The following OSBPL9 variants were observed in gnomAD, a reference collection of about 807,000 sequenced individuals.
The protein encoded by OSBPL9 is oxysterol-binding protein-related protein 9.
A neutral mutation model predicts 106.6 loss-of-function variants in OSBPL9; 40 were observed. That is an observed-to-expected ratio of 0.38 (90% CI 0.29 to 0.49). OSBPL9 has a LOEUF of 0.49. OSBPL9 is among the 20% of genes least tolerant of loss of function. The pLI, the probability that OSBPL9 is intolerant of heterozygous loss-of-function variation, is 0.97. For missense variants in OSBPL9, 609 were observed against 887.2 expected (o/e 0.69, Z 3.98); for synonymous variants, 269 against 295.4 (o/e 0.91, Z 0.92).
At chr1:51,738,427 A>G (rs559620003) in intron 4 of OSBPL9, among the ~76,000 whole-genome samples, 48 of 152,194 alleles carry the variant, frequency 3.2e-4, no homozygotes, top group South Asian at 8.3e-4. Context: ...TGGTTTTTCA[A>G]AGCACTAACA....
chr1:51,747,856 C>A (rs997907625), intron 6 of OSBPL9, among the ~76,000 whole-genome samples: 2 of 152,086 alleles, frequency 1.3e-5, no homozygotes, highest in African/African-American at 4.8e-5. Flanking sequence ...GTGGCGTGAT[C>A]TCGGCTCACT....
At chr1:51,632,804 A>G (rs2148657177) in intron 1 of OSBPL9, among the ~76,000 whole-genome samples, 1 of 152,260 alleles carries the variant, frequency 6.6e-6, no homozygotes, top group East Asian at 1.9e-4. Context: ...ATCACCTGAA[A>G]GAGGAGTAAG....
At chr1:51,665,864 A>G (rs1434827237) in intron 2 of OSBPL9, among the ~76,000 whole-genome samples, 1 of 151,910 alleles carries the variant, frequency 6.6e-6, no homozygotes, top group African/African-American at 2.4e-5. Flanking sequence ...TTGTGTATAT[A>G]TATATATTTT....
At chr1:51,646,034 G>A (rs1646133217) in intron 1 of OSBPL9, among the ~76,000 whole-genome samples, 2 of 152,080 alleles carry the variant, frequency 1.3e-5, no homozygotes, top group Admixed American at 6.5e-5. Context: ...GTTGCATTTT[G>A]GAATTGAGAA....
At chr1:51,701,971 A>G (rs972474386) in intron 3 of OSBPL9, among the ~76,000 whole-genome samples, 2 of 152,228 alleles carry the variant, frequency 1.3e-5, no homozygotes, top group Non-Finnish European at 2.9e-5. Flanking sequence ...TACAAAGGAC[A>G]TGAACTCATC....
chr1:51,750,973 C>A (rs1444240495), intron 8 of OSBPL9, among the ~76,000 whole-genome samples: 1 of 152,164 alleles, frequency 6.6e-6, no homozygotes, highest in Non-Finnish European at 1.5e-5. Context: ...AGACTTTTAA[C>A]CTACTGTTGT....
At chr1:51,774,701 AG>A (rs761920373) in intron 14 of OSBPL9, among the ~76,000 whole-genome samples, 18 of 152,144 alleles carry the variant, frequency 1.2e-4, no homozygotes, top group Non-Finnish European at 2.4e-4. Context: ...CTCACAGCTA[AG>A]AAGAGGCTAA....
intron 2 of OSBPL9, among the ~76,000 whole-genome samples, chr1:51,598,710 T>G (rs867926778): frequency 6.6e-6 from 1 of 152,100 alleles, no homozygotes; most frequent in South Asian, 2.1e-4. Flanking sequence ...GAGTGTGACA[T>G]GGGCTGGGCA....
chr1:51,593,904 T>TCACACACACA (rs58936844), intron 1 of OSBPL9, among the ~76,000 whole-genome samples: 7,135 of 140,070 alleles, frequency 0.051, 264 homozygotes, highest in Middle Eastern at 0.076. Context: ...TAATCAGATT[T>TCACACACACA]CACACACACA....
At chr1:51,575,863 A>G (rs142991617), upstream of OSBPL9, among the ~76,000 whole-genome samples, 1 of 152,216 alleles carries the variant, frequency 6.6e-6, no homozygotes, top group Non-Finnish European at 1.5e-5. Context: ...CATTTTTATT[A>G]TCAAAGACAG....
intron 4 of OSBPL9, among the ~76,000 whole-genome samples, chr1:51,717,576 T>C (rs1237794210): frequency 6.6e-6 from 1 of 152,062 alleles, no homozygotes; most frequent in East Asian, 1.9e-4. Flanking sequence ...GACATACAAA[T>C]GGCAAGGAGG....
intron 3 of OSBPL9, among the ~76,000 whole-genome samples, chr1:51,698,324 A>G (rs1442219103): frequency 1.3e-5 from 2 of 152,156 alleles, no homozygotes; most frequent in Non-Finnish European, 2.9e-5. Context: ...CAGTCCATTA[A>G]TGGATTATAA....
chr1:51,599,801 A>G (rs1253833595), intron 2 of OSBPL9, among the ~76,000 whole-genome samples: 1 of 152,222 alleles, frequency 6.6e-6, no homozygotes, highest in Non-Finnish European at 1.5e-5. Context: ...CAAAGTACCT[A>G]AGACTGGGAA....
At chr1:51,648,143 G>A (rs746397410) in intron 1 of OSBPL9, among the ~76,000 whole-genome samples, 2 of 152,188 alleles carry the variant, frequency 1.3e-5, no homozygotes, top group Non-Finnish European at 2.9e-5. Context: ...GCAGGTTTCA[G>A]AACATTGGTA....
chr1:51,647,968 G>A (rs1646274524), intron 1 of OSBPL9, among the ~76,000 whole-genome samples: 2 of 152,150 alleles, frequency 1.3e-5, no homozygotes. Flanking sequence ...CTTCATGGGG[G>A]TAATCCTGTT....
At chr1:51,518,764 C>A in the OSBPL9 span, among the ~76,000 whole-genome samples, 3 of 152,050 alleles carry the variant, frequency 2.0e-5, no homozygotes, top group East Asian at 5.8e-4. Flanking sequence ...GCCTGGCGGG[C>A]GAGCCTCGTG....
intron 8 of OSBPL9, among the ~76,000 whole-genome samples, chr1:51,754,911 A>C (rs771925298): frequency 1.3e-5 from 2 of 152,096 alleles, no homozygotes; most frequent in Non-Finnish European, 2.9e-5. Context: ...GGTTCAAGCA[A>C]TCCTCCTGCC....
intron 3 of OSBPL9, among the ~76,000 whole-genome samples, chr1:51,670,897 G>A (rs531249615): frequency 2.0e-5 from 3 of 152,272 alleles, no homozygotes; most frequent in South Asian, 4.1e-4. Flanking sequence ...AAGAGCTGCT[G>A]GGTGCAGGTA....
chr1:51,717,552 TG>T (rs1456368548), intron 4 of OSBPL9, among the ~76,000 whole-genome samples: 2 of 152,188 alleles, frequency 1.3e-5, no homozygotes, highest in Non-Finnish European at 2.9e-5. Flanking sequence ...GCTTTATCAC[TG>T]GTTTTGTTAG....
Sources: gnomAD v4.1 joint callset for allele counts (sites outside exome capture counted in the v4.1 genomes callset) on GRCh38, gnomAD v4.1.1 for gene constraint, MANE v1.5 for transcripts, NCBI Gene and HGNC (gene_info 2026-07-23, HGNC 2026-07-21) for gene names.